DDAH1: variants seen among roughly 807,000 people sequenced by gnomAD.
DDAH1 encodes the protein N(G),N(G)-dimethylarginine dimethylaminohydrolase 1.
In DDAH1, 19 loss-of-function variants were observed where a neutral mutation model predicts 28.8. That is an observed-to-expected ratio of 0.66 (90% confidence interval 0.46 to 0.97). DDAH1 has a LOEUF of 0.97. Among genes scored for constraint, DDAH1 ranks in the 50% least tolerant of loss-of-function variants. The probability of loss-of-function intolerance (pLI) is 0.00; values close to 1 mark genes in which losing one functional copy is unlikely to be tolerated. For synonymous variants in DDAH1, 153 were observed against 154.4 expected (o/e 0.99, Z 0.07); for missense variants, 326 against 375.9 (o/e 0.87, Z 1.10).
At chr1:85,420,412 A>G (rs1271216519) in intron 1 of DDAH1, among the ~76,000 whole-genome samples, 2 of 152,222 alleles carry the variant, frequency 1.3e-5, no homozygotes, top group African/African-American at 2.4e-5. Context: ...TTGCTCCTGC[A>G]TATGAGCATA....
At chr1:85,345,781 C>T (rs891199708) in intron 4 of DDAH1, among the ~76,000 whole-genome samples, 8 of 152,160 alleles carry the variant, frequency 5.3e-5, no homozygotes, top group Admixed American at 5.2e-4. Flanking sequence ...AGGAGAATCT[C>T]TTGAAAGTGG....
At chr1:85,352,131 T>C (rs879672739) in intron 2 of DDAH1, among the ~76,000 whole-genome samples, 4 of 151,938 alleles carry the variant, frequency 2.6e-5, no homozygotes, top group African/African-American at 4.8e-5. Flanking sequence ...AAAGAAAAAA[T>C]TGATTCTGAG....
chr1:85,347,309 A>G (rs1648913803), intron 4 of DDAH1, among the ~76,000 whole-genome samples: 1 of 152,232 alleles, frequency 6.6e-6, no homozygotes, highest in Non-Finnish European at 1.5e-5. Flanking sequence ...ATAAAGACAC[A>G]TGCACACGTA....
chr1:85,333,127 G>A (rs1412057538), intron 4 of DDAH1, among the ~76,000 whole-genome samples: 2 of 152,204 alleles, frequency 1.3e-5, no homozygotes, highest in Non-Finnish European at 2.9e-5. Context: ...CCTGAGGACT[G>A]GCCCACCTGG....
chr1:85,574,181 A>G (rs914000332), intron 1 of DDAH1, among the ~76,000 whole-genome samples: 14 of 152,200 alleles, frequency 9.2e-5, no homozygotes, highest in African/African-American at 2.4e-4. Context: ...CAGTGTCCCC[A>G]TGGTTCCCAA....
chr1:85,466,832 C>CTTTTTTTTTATTTTTTTTTTT (rs1655400298), upstream of DDAH1, among the ~76,000 whole-genome samples: 1 of 70,738 alleles, frequency 1.4e-5, no homozygotes, highest in Admixed American at 2.4e-4. Flanking sequence ...ATTATTTATT[C>CTTTTTTTTTATTTTTTTTTTT]TTTTTTTTTT....
chr1:85,343,763 A>AAAAGC (rs1232162611), intron 4 of DDAH1, among the ~76,000 whole-genome samples: 4 of 152,368 alleles, frequency 2.6e-5, no homozygotes, highest in African/African-American at 7.2e-5. Flanking sequence ...CCAGGCAATA[A>AAAAGC]AAAGCATATA....
At chr1:85,454,702 G>T (rs973096652) in intron 1 of DDAH1, among the ~76,000 whole-genome samples, 1 of 152,116 alleles carries the variant, frequency 6.6e-6, no homozygotes, top group Admixed American at 6.5e-5. Context: ...ATTTTCTACT[G>T]ATTCTATTAC....
chr1:85,414,363 T>C lies in DDAH1; in HGVS notation c.303+50380A>G, dbSNP rs74098818. Reference sequence around the variant, plus strand: ...TATAAGAATACATTCCAAATGGAAGTAAGGTCTTAAACATGAAAGGCAAAA... The same window carrying C: ...TATAAGAATACATTCCAAATGGAAGCAAGGTCTTAAACATGAAAGGCAAAA... On this transcript the variant is annotated intron_variant, in intron 1 of 5. Coordinates refer to ENST00000284031, the MANE Select transcript of DDAH1 (RefSeq NM_012137.4). 6.1e-3 allele frequency among the ~76,000 whole-genome samples: 925 copies of C among 152,282 alleles called. 9 individuals are homozygous for C. The highest frequency in any genetic ancestry group is 0.021 in the African/African-American group (891 of 41,552).
At chr1:85,331,973 GGTAA>G (rs1461808563) in intron 4 of DDAH1, among the ~76,000 whole-genome samples, 2 of 152,268 alleles carry the variant, frequency 1.3e-5, no homozygotes, top group East Asian at 3.9e-4. Context: ...GAGAGGAAAG[GGTAA>G]GTGAGAGATT....
chr1:85,333,940 A>G (rs1253993770), intron 4 of DDAH1, among the ~76,000 whole-genome samples: 1 of 152,228 alleles, frequency 6.6e-6, no homozygotes, highest in East Asian at 1.9e-4. Context: ...CAAAGATTCC[A>G]AAATAGATAC....
chr1:85,546,194 C>T (rs139264902), intron 1 of DDAH1, among the ~76,000 whole-genome samples: 3 of 151,634 alleles, frequency 2.0e-5, no homozygotes, highest in Admixed American at 2.0e-4. Flanking sequence ...GAAGTGGGAC[C>T]TTTAAGAGGT....
At chr1:85,506,359 T>G (rs966700010) in intron 1 of DDAH1, among the ~76,000 whole-genome samples, 2 of 152,180 alleles carry the variant, frequency 1.3e-5, no homozygotes, top group Non-Finnish European at 2.9e-5. Flanking sequence ...CAGTCACAAT[T>G]TTTTCATTCT....
chr1:85,418,571 TA>T (rs1480296507), intron 1 of DDAH1, among the ~76,000 whole-genome samples: 1 of 152,236 alleles, frequency 6.6e-6, no homozygotes, highest in Non-Finnish European at 1.5e-5. Flanking sequence ...CATTGGTATT[TA>T]AAATTTCATT....
intron 1 of DDAH1, among the ~76,000 whole-genome samples, chr1:85,387,112 G>C (rs144563956): frequency 2.6e-5 from 4 of 152,222 alleles, no homozygotes; most frequent in South Asian, 4.2e-4. Flanking sequence ...ACACCTTCAG[G>C]ACCTTTTTCC....
intron 1 of DDAH1, among the ~76,000 whole-genome samples, chr1:85,405,966 G>C (rs1341708292): frequency 6.6e-6 from 1 of 152,164 alleles, no homozygotes; most frequent in Admixed American, 6.5e-5. Flanking sequence ...ACGGATATTA[G>C]CCTCCAACAG....
intron 2 of DDAH1, among the ~76,000 whole-genome samples, chr1:85,490,796 T>C (rs569456753): frequency 6.6e-6 from 1 of 152,264 alleles, no homozygotes; most frequent in African/African-American, 2.4e-5. Flanking sequence ...CTGTAGTCTA[T>C]GAGATAACAC....
chr1:85,561,473 CACTA>C (rs931364921), intron 1 of DDAH1, among the ~76,000 whole-genome samples: 5 of 152,024 alleles, frequency 3.3e-5, no homozygotes, highest in Non-Finnish European at 7.4e-5. Flanking sequence ...TCTACCCTAT[CACTA>C]ACTAGCTGTG....
chr1:85,552,352 G>A (rs1434033407), intron 1 of DDAH1, among the ~76,000 whole-genome samples: 2 of 152,042 alleles, frequency 1.3e-5, no homozygotes, highest in African/African-American at 2.4e-5. Context: ...GTTTCTCAAC[G>A]GCTATAGAAT....
Sources: gnomAD v4.1 joint callset for allele counts (sites outside exome capture counted in the v4.1 genomes callset) on GRCh38, gnomAD v4.1.1 for gene constraint, MANE v1.5 for transcripts, NCBI Gene and HGNC (gene_info 2026-07-23, HGNC 2026-07-21) for gene names.